Variants in ACOT13 observed in about 807,000 individuals in gnomAD.
ACOT13 encodes acyl-CoA thioesterase 13.
In ACOT13, 10 loss-of-function variants were observed where a neutral mutation model predicts 11.8. The ratio of observed to expected loss-of-function variants is 0.85; its 90% CI spans 0.53 to 1.44. The LOEUF is 1.44. Ranked by LOEUF, ACOT13 falls within the 40% of genes most tolerant of loss-of-function variation. ACOT13 has a pLI of 0.00. For missense variants in ACOT13, 172 were observed against 174.1 expected (o/e 0.99, Z 0.07); for synonymous variants, 53 against 61.0 (o/e 0.87, Z 0.61).
intron 1 of ACOT13, among the ~76,000 whole-genome samples, chr6:24,670,972 G>T (rs1426001939): frequency 1.3e-5 from 2 of 152,166 alleles, no homozygotes. Context: ...ACAGGTGCTG[G>T]AGAGGATGTG....
At chr6:24,686,085 T>C (rs1212396625) in intron 1 of ACOT13, among the ~76,000 whole-genome samples, 1 of 152,128 alleles carries the variant, frequency 6.6e-6, no homozygotes, top group African/African-American at 2.4e-5. Flanking sequence ...TGTCCTGCTC[T>C]TGATATAAAG....
intron 1 of ACOT13, among the ~76,000 whole-genome samples, chr6:24,680,809 C>T (rs191168407): frequency 6.6e-6 from 1 of 152,270 alleles, no homozygotes; most frequent in East Asian, 1.9e-4. Context: ...TGTAGCGAAC[C>T]TTTTGAGTCA....
At chr6:24,678,222 C>T (rs1343915000) in intron 1 of ACOT13, among the ~76,000 whole-genome samples, 2 of 152,112 alleles carry the variant, frequency 1.3e-5, no homozygotes, top group East Asian at 3.9e-4. Context: ...TCAGGGTGTA[C>T]AGGGATGCAG....
intron 1 of ACOT13, among the ~76,000 whole-genome samples, chr6:24,685,022 T>G (rs1778607236): frequency 6.6e-6 from 1 of 152,154 alleles, no homozygotes; most frequent in Admixed American, 6.5e-5. Flanking sequence ...AAAAAAAATT[T>G]TTTTTTAATT....
intron 1 of ACOT13, among the ~76,000 whole-genome samples, chr6:24,685,008 C>G (rs1778606513): frequency 6.6e-6 from 1 of 152,118 alleles, no homozygotes; most frequent in African/African-American, 2.4e-5. Context: ...GAGACCCTGT[C>G]TCTAAAAAAA....
chr6:24,674,375 A>G (rs142046098), intron 1 of ACOT13, among the ~76,000 whole-genome samples: 48 of 150,042 alleles, frequency 3.2e-4, no homozygotes, highest in African/African-American at 1.2e-3. Flanking sequence ...TTTGAATTAG[A>G]CAAAACTTGT....
At chr6:24,676,099 C>T (rs1481151225) in intron 1 of ACOT13, among the ~76,000 whole-genome samples, 1 of 152,160 alleles carries the variant, frequency 6.6e-6, no homozygotes, top group Non-Finnish European at 1.5e-5. Context: ...GTTTTGGTAC[C>T]AGTACCATGC....
chr6:24,676,036 A>ATG (rs1243402353), intron 1 of ACOT13, among the ~76,000 whole-genome samples: 1 of 151,804 alleles, frequency 6.6e-6, no homozygotes, highest in Non-Finnish European at 1.5e-5. Context: ...ATGGTTGTAG[A>ATG]TGTGTGGTAT....
Position 24,697,992 on chromosome 6 carries a change from T to A in ACOT13, c.191T>A (p.Val64Glu). 2.5e-6 allele frequency: 4 copies of A among 1,613,986 alleles called. No homozygotes were observed. In the East Asian group the frequency reaches 6.7e-5, roughly 27 times the overall value. Residue 64 changes from valine to glutamate, a missense_variant, in exon 2 of 3, where the codon GTA (valine) becomes GAA (glutamate). Physicochemically the swap from Val to Glu is moderately radical, Grantham distance 121. Transcript: ENST00000230048. The stretch of plus-strand genomic sequence containing the variant: ...CACGGCGGTTTGACAGCCACGTTAG[T>A]AGATAACATATCAACAATGGCTCTG... ...TLHGGLTATLVDNISTMALLC... is the reference protein window; with the variant it reads ...TLHGGLTATLEDNISTMALLC...
intron 1 of ACOT13, chr6:24,687,599 C>T: frequency 6.8e-7 from 1 of 1,465,904 alleles, no homozygotes; most frequent in Non-Finnish European, 9.0e-7. Context: ...GAGGAACACA[C>T]TGGAGAGAAG....
Position 24,671,536 on chromosome 6 carries a change from A to C in ACOT13, c.81+4192A>C, listed in dbSNP as rs549370100. On this transcript the variant is annotated intron_variant, in intron 1 of 2. Transcript: ENST00000230048. ...AAATGACGAATTAATGGGTGCAGCA[A>C]ACCAACATGGCACATGTATACATAT... 5.0e-3 allele frequency among the ~76,000 whole-genome samples: 756 copies of C among 152,292 alleles called. 4 individuals are homozygous for C. The highest frequency in any genetic ancestry group is 8.3e-3 in the Non-Finnish European group (565 of 68,022).
chr6:24,699,448 G>A (rs974551720), intron 2 of ACOT13, among the ~76,000 whole-genome samples: 1 of 152,190 alleles, frequency 6.6e-6, no homozygotes, highest in East Asian at 1.9e-4. Flanking sequence ...CTCACCTTGT[G>A]ATCTGCCCGC....
chr6:24,682,685 C>A (rs1293349696), intron 1 of ACOT13, among the ~76,000 whole-genome samples: 2 of 150,526 alleles, frequency 1.3e-5, no homozygotes, highest in African/African-American at 4.9e-5. Context: ...GGCAGGTCTG[C>A]GGTGGCGGGT....
At chr6:24,679,837 CAG>C (rs2127623364) in intron 1 of ACOT13, among the ~76,000 whole-genome samples, 1 of 152,296 alleles carries the variant, frequency 6.6e-6, no homozygotes, top group East Asian at 1.9e-4. Flanking sequence ...TATAAAACTT[CAG>C]TATAGCCATC....
At chr6:24,693,274 T>A (rs1389848019) in intron 1 of ACOT13, among the ~76,000 whole-genome samples, 1 of 152,242 alleles carries the variant, frequency 6.6e-6, no homozygotes, top group Non-Finnish European at 1.5e-5. Flanking sequence ...CACGTGTTTA[T>A]GTACACAGAT....
At position 24,698,036 on chromosome 6, in the gene ACOT13, G is replaced by A. The variant is rs1244666626; in HGVS notation, c.235G>A (p.Ala79Thr). Residue 79 changes from alanine (A) to threonine (T), a missense_variant, in exon 2 of 3, where the codon GCA (alanine) becomes ACA (threonine). Physicochemically the swap from Ala to Thr is moderately conservative, Grantham distance 58 (BLOSUM62 0). Transcript: ENST00000230048. ...TMALLCTERG[A>T]PGVSVDMNIT... ...GGCTCTGCTATGCACGGAAAGGGGA[G>A]CACCCGGAGTCAGTGTCGATATGAA... 6.2e-7 allele frequency: 1 copy of A among 1,610,420 alleles called. No individual in the cohort carries two copies. Among genetic ancestry groups the A allele is most frequent in the Non-Finnish European group, 8.5e-7 (1 of 1,178,620 alleles).
At position 24,701,722 on chromosome 6, in the gene ACOT13, G is replaced by GA. The variant is rs1778896206; in HGVS notation, c.*110dup. 8.1e-7 allele frequency: 1 copy of GA among 1,235,244 alleles called. No individual in the cohort carries two copies. Among genetic ancestry groups the GA allele is most frequent in the Non-Finnish European group, 1.1e-6 (1 of 912,976 alleles). The allele number at this position is 1,235,244 out of a possible 1,614,324, so 76.5% of individuals were successfully genotyped here. On this transcript the variant is annotated 3_prime_UTR_variant, in exon 3 of 3. Transcript: ENST00000230048. The stretch of plus-strand genomic sequence containing the variant: ...AAACTAGCAAAACCAGAAGCAGCTA[G>GA]AAATATTCTTGGAGGAAAAGGACCT...
At chr6:24,681,775 C>T (rs1778555506) in intron 1 of ACOT13, among the ~76,000 whole-genome samples, 3 of 152,030 alleles carry the variant, frequency 2.0e-5, no homozygotes, top group African/African-American at 4.8e-5. Flanking sequence ...ATACAACTTG[C>T]TAGAGGAAAT....
At chr6:24,682,094 G>T (rs867825818) in intron 1 of ACOT13, among the ~76,000 whole-genome samples, 4 of 152,200 alleles carry the variant, frequency 2.6e-5, no homozygotes, top group Non-Finnish European at 5.9e-5. Flanking sequence ...AACCCAGAAG[G>T]GTTGGGGGTT....
Sources: allele counts gnomAD v4.1 joint callset (sites outside exome capture counted in the v4.1 genomes callset), GRCh38; gene constraint gnomAD v4.1.1; transcripts MANE v1.5; gene names NCBI Gene and HGNC (gene_info 2026-07-23, HGNC 2026-07-21).